The following ACOX3 variants were observed in gnomAD, a reference collection of about 807,000 sequenced individuals.
ACOX3 encodes acyl-CoA oxidase 3, pristanoyl, also known as peroxisomal acyl-coenzyme A oxidase 3.
A neutral mutation model predicts 81.5 loss-of-function variants in ACOX3; 73 were observed. That is an observed-to-expected ratio of 0.90 (90% CI 0.74 to 1.09). The LOEUF (loss-of-function observed/expected upper bound fraction) is 1.09. Among genes scored for constraint, ACOX3 ranks in the 50% least tolerant of loss-of-function variants. The pLI, the probability that ACOX3 is intolerant of heterozygous loss-of-function variation, is 0.00. For synonymous variants in ACOX3, 387 were observed against 375.1 expected, an observed-to-expected ratio of 1.03 and a Z score of -0.37; for missense variants, 947 against 928.0, an observed-to-expected ratio of 1.02 and a Z score of -0.27.
In ACOX3 at chr4:8,416,462, G is replaced by T; in HGVS notation, c.60C>A (p.Pro20=). The T allele has an allele frequency of 6.2e-7, 1 of 1,614,054 alleles. No individual in the cohort carries two copies. The highest frequency in any genetic ancestry group is 8.5e-7 in the Non-Finnish European group (1 of 1,179,968). The change falls in exon 2 of 18, where the codon CCC becomes CCA. Residue 20 remains proline (P), a synonymous_variant. Coordinates refer to ENST00000356406, the MANE Select transcript of ACOX3 (RefSeq NM_003501.3). The surrounding 1 kb of genome is among the most constrained non-coding windows in gnomAD (Gnocchi z 4.2). ...TALLPEFPRG[P]LDAYRARASF... is the part of the protein sequence containing the mutation. ...ACGCTCTTGCTCGGTAGGCATCGAG[G>T]GGCCCCCTGGGGAATTCTGGGAGCA...
intron 5 of ACOX3, among the ~76,000 whole-genome samples, chr4:8,411,506 G>A (rs1721721917): frequency 6.6e-6 from 1 of 152,098 alleles, no homozygotes; most frequent in Non-Finnish European, 1.5e-5. Context: ...AGGGTAAGGA[G>A]GGCTCCCAGT....
chr4:8,370,896 T>C lies in ACOX3; in HGVS notation c.1983+12A>G, dbSNP rs1716101186. ...CTTGGGGCACTCCCGTGAGGCCCTG[T>C]CCTCCCTTTACCTCGCCGTCGGCTC... On this transcript the variant is annotated intron_variant, in intron 17 of 17. Transcript: ENST00000356406. This position sits in a 1 kb window ranked among gnomAD's most constrained non-coding sequence, Gnocchi z 6.3. The C allele has an allele frequency of 1.9e-6, 3 of 1,612,764 alleles. No individual in the cohort carries two copies. The highest frequency in any genetic ancestry group is 2.5e-6 in the Non-Finnish European group (3 of 1,179,478).
At chr4:8,357,351 G>A in the ACOX3 span, 1 of 429,072 alleles carries the variant, frequency 2.3e-6, no homozygotes, top group African/African-American at 2.0e-5. Context: ...CTGGGTGCAG[G>A]AACACTGGCA....
rs750378764 is a variant in ACOX3, at chr4:8,414,366, C to A, written c.469G>T (p.Ala157Ser). The part of the protein sequence containing the change: ...IFRMEIFGCF[A>S]LTELSHGSNT... Reference sequence around the variant, plus strand: ...CTGCCGTGGCTTAATTCGGTCAGAGCAAAACATCCAAAAATCTAAATGTCA... The same window carrying A: ...CTGCCGTGGCTTAATTCGGTCAGAGAAAAACATCCAAAAATCTAAATGTCA... The change falls in exon 5 of 18, where the codon GCT becomes TCT. Residue 157 changes from alanine to serine, a missense_variant. Transcript: ENST00000356406. The surrounding 1 kb of genome is among the most constrained non-coding windows in gnomAD (Gnocchi z 6.1). 17 of 1,613,926 alleles carry A rather than the reference C, an allele frequency of 1.1e-5. No homozygotes were observed. Among genetic ancestry groups the A allele is most frequent in the Middle Eastern group, 1.6e-4 (1 of 6,084 alleles).
intron 10 of ACOX3, among the ~76,000 whole-genome samples, chr4:8,393,490 A>AAAACAAACAAACAAAC (rs138758419): frequency 1.8e-3 from 240 of 130,300 alleles, no homozygotes; most frequent in African/African-American, 5.2e-3. Context: ...CTCCGTCTCA[A>AAAACAAACAAACAAAC]AAACAAACAA....
downstream of ACOX3, among the ~76,000 whole-genome samples, chr4:8,364,489 C>G (rs1715307379): frequency 2.1e-5 from 2 of 93,920 alleles, no homozygotes; most frequent in Admixed American, 1.9e-4. The surrounding 1 kb of genome is among the most constrained non-coding windows in gnomAD (Gnocchi z 5.0). Flanking sequence ...GCATGAGAAC[C>G]CGTCGTGTCT....
intron 9 of ACOX3, among the ~76,000 whole-genome samples, chr4:8,395,524 G>A (rs1719600935): frequency 6.6e-6 from 1 of 152,244 alleles, no homozygotes; most frequent in Non-Finnish European, 1.5e-5. Context: ...GGCGCCAGCT[G>A]CCTCCATGCC....
chr4:8,410,269 A>C lies in ACOX3; in HGVS notation c.630T>G (p.Phe210Leu), dbSNP rs375050924. 6.2e-7 allele frequency: 1 copy of C among 1,614,010 alleles called. No homozygotes were observed. Among genetic ancestry groups the C allele is most frequent in the Non-Finnish European group, 8.5e-7 (1 of 1,179,986 alleles). The change falls in exon 6 of 18, where the codon TTT (phenylalanine) becomes TTG (leucine). Residue 210 changes from phenylalanine (F) to leucine (L), a missense_variant. Physicochemically the swap from Phe to Leu is conservative, Grantham distance 22. Transcript: ENST00000356406. ...MGKTATHAVV[F>L]AKLCVPGDQC... is the part of the protein sequence containing the mutation. ...GGTCCCCTGGCACACACAGCTTAGC[A>C]AACACCACCGCGTGAGTGGCTGTCT...
chr4:8,436,828 A>G (rs1305356808), intron 1 of ACOX3, among the ~76,000 whole-genome samples: 1 of 150,090 alleles, frequency 6.7e-6, no homozygotes, highest in Non-Finnish European at 1.5e-5. Flanking sequence ...CTAAAAAAAA[A>G]AAAACACAAA....
In ACOX3 at chr4:8,407,621, C is replaced by T. The variant is rs957620551; in HGVS notation, c.688-1578G>A. Among the ~76,000 whole-genome samples, 1 of 152,162 alleles carries T rather than the reference C, an allele frequency of 6.6e-6. No homozygotes were observed. The highest frequency in any genetic ancestry group is 1.5e-5 in the Non-Finnish European group (1 of 68,036). On this transcript the variant is annotated intron_variant, in intron 6 of 17. Transcript: ENST00000356406. This position sits in a 1 kb window ranked among gnomAD's most constrained non-coding sequence, Gnocchi z 4.6. The stretch of plus-strand genomic sequence containing the variant: ...GGGGCCGGTGCTGCCGGGAGGACGT[C>T]GGGAATTTCATATTCACGTTTTAGA...
intron 14 of ACOX3, among the ~76,000 whole-genome samples, chr4:8,375,679 G>C (rs553559693): frequency 6.6e-6 from 1 of 152,312 alleles, no homozygotes; most frequent in African/African-American, 2.4e-5. Context: ...TCCCCCTGCC[G>C]TAAGGCCCCC....
intron 13 of ACOX3, among the ~76,000 whole-genome samples, chr4:8,383,194 C>T (rs973916823): frequency 2.0e-5 from 3 of 152,170 alleles, no homozygotes; most frequent in Admixed American, 6.5e-5. Flanking sequence ...GATGGAAAGA[C>T]GGGTGCTGCT....
rs1046401290 is a variant in ACOX3, at chr4:8,405,209, C to T, written c.776+746G>A. On this transcript the variant is annotated intron_variant, in intron 7 of 17. Transcript: ENST00000356406. The surrounding 1 kb of genome is among the most constrained non-coding windows in gnomAD (Gnocchi z 7.1). The stretch of plus-strand genomic sequence containing the variant: ...CAAAGACCCTCAAGGCCCTTGCGGC[C>T]TGGCCTCCCTACCCCGCCTGCATCC... Among the ~76,000 whole-genome samples the T allele has an allele frequency of 2.0e-5, 3 of 152,244 alleles. No individual in the cohort carries two copies. Among genetic ancestry groups the T allele is most frequent in the African/African-American group, 7.2e-5 (3 of 41,470 alleles).
chr4:8,364,577 C>T (rs1435441247), downstream of ACOX3, among the ~76,000 whole-genome samples: 3 of 151,580 alleles, frequency 2.0e-5, no homozygotes, highest in African/African-American at 4.9e-5. This position sits in a 1 kb window ranked among gnomAD's most constrained non-coding sequence, Gnocchi z 5.0. Context: ...ATCATGGCCA[C>T]AGGCATCGCA....
At chr4:8,422,681 T>C (rs1723072826) in intron 1 of ACOX3, among the ~76,000 whole-genome samples, 1 of 152,250 alleles carries the variant, frequency 6.6e-6, no homozygotes, top group African/African-American at 2.4e-5. Flanking sequence ...GGGTCATCAG[T>C]TCTAAGGCCC....
the ACOX3 span, chr4:8,355,408 C>T: frequency 1.3e-5 from 2 of 152,220 alleles, no homozygotes; most frequent in African/African-American, 4.8e-5. Context: ...AGAAACAACA[C>T]TAAAATTAAA....
rs995574507 is a variant in ACOX3 at position 8,424,965 on chromosome 4, C to T, written c.-14-8430G>A. 3.9e-5 allele frequency among the ~76,000 whole-genome samples: 6 copies of T among 152,284 alleles called. No homozygotes were observed. The East Asian group carries it at 9.6e-4, about 24-fold the overall frequency. ...GCGCTCAGCTGGCAGAACTAATAGC[C>T]CTCACTCAGGCACTAAAATTAGGAG... On this transcript the variant is annotated intron_variant, in intron 1 of 17. Coordinates refer to ENST00000356406, the MANE Select transcript of ACOX3 (RefSeq NM_003501.3).
the ACOX3 span, chr4:8,357,166 C>T: frequency 2.0e-5 from 9 of 456,148 alleles, no homozygotes; most frequent in Admixed American, 7.1e-5. Flanking sequence ...GTGAGCAGAA[C>T]GGTGCATGCT....
Position 8,416,493 on chromosome 4 carries a change from G to A in ACOX3, c.29C>T (p.Thr10Ile). Residue 10 changes from threonine (T) to isoleucine (I), a missense_variant, in exon 2 of 18, where the codon ACA (threonine) becomes ATA (isoleucine). Transcript: ENST00000356406. The surrounding 1 kb of genome is among the most constrained non-coding windows in gnomAD (Gnocchi z 4.2). ...CCTGGGGAATTCTGGGAGCAGAGCT[G>A]TGTCGCCTCCTTCCACAGTGGATGC... MASTVEGGD[T>I]ALLPEFPRGP... 1 of 1,612,238 alleles carries A rather than the reference G, an allele frequency of 6.2e-7. No homozygotes were observed. The highest frequency in any genetic ancestry group is 8.5e-7 in the Non-Finnish European group (1 of 1,178,878).
Sources: allele counts gnomAD v4.1 joint callset (sites outside exome capture counted in the v4.1 genomes callset), GRCh38; gene constraint gnomAD v4.1.1; non-coding constraint Gnocchi (gnomAD v3.1); transcripts MANE v1.5; gene names NCBI Gene and HGNC (gene_info 2026-07-23, HGNC 2026-07-21).